The following GCN1 variants were observed in gnomAD, a reference collection of about 807,000 sequenced individuals.
GCN1 encodes GCN1 activator of EIF2AK4, also known as stalled ribosome sensor GCN1.
In GCN1, 90 loss-of-function variants were observed where a neutral mutation model predicts 288.4. The observed-to-expected ratio is 0.31, with a 90% CI of 0.26 to 0.37. The LOEUF (loss-of-function observed/expected upper bound fraction) is 0.37. Ranked by LOEUF, GCN1 falls within the 10% of genes least tolerant of loss-of-function variation. The pLI is 1.00. For synonymous variants in GCN1, 1,386 were observed against 1,420.2 expected, an observed-to-expected ratio of 0.98 and a Z score of 0.54; for missense variants, 2,586 against 3,419.9, an observed-to-expected ratio of 0.76 and a Z score of 6.08.
At position 120,134,580 on chromosome 12, in the gene GCN1, G is replaced by A. The variant is rs771258104; in HGVS notation, c.7155C>T (p.Phe2385=). 3.1e-5 allele frequency: 50 copies of A among 1,614,060 alleles called. No homozygotes were observed. In the South Asian group the frequency reaches 5.1e-4, roughly 16 times the overall value. ...CGCGGATGCCATTGAGCAGCTCTGTGAAGAGGGGGTCCACCTTAATGTGGA... is the reference window on the plus strand; with the variant it reads ...CGCGGATGCCATTGAGCAGCTCTGTAAAGAGGGGGTCCACCTTAATGTGGA... ...ISIHIKVDPL[F]TELLNGIRAM... Residue 2385 remains phenylalanine, a synonymous_variant, in exon 52 of 58, where the codon TTC becomes TTT. Coordinates refer to ENST00000300648, the MANE Select transcript of GCN1 (RefSeq NM_006836.2). The surrounding 1 kb of genome is among the most constrained non-coding windows in gnomAD (Gnocchi z 5.0).
chr12:120,171,117 G>C (rs1199004637), intron 14 of GCN1, among the ~76,000 whole-genome samples: 4 of 147,882 alleles, frequency 2.7e-5, no homozygotes. Flanking sequence ...CTCCAGCCTG[G>C]GTGACAGAAC....
Position 120,153,417 on chromosome 12 carries a change from C to G in GCN1, c.3868-10G>C. 1 of 1,612,876 alleles carries G rather than the reference C, an allele frequency of 6.2e-7. No homozygotes were observed. Among genetic ancestry groups the G allele is most frequent in the Non-Finnish European group, 8.5e-7 (1 of 1,179,454 alleles). On this transcript the variant is annotated splice_polypyrimidine_tract_variant and intron_variant, in intron 32 of 57. Coordinates refer to ENST00000300648, the MANE Select transcript of GCN1 (RefSeq NM_006836.2). This position sits in a 1 kb window ranked among gnomAD's most constrained non-coding sequence, Gnocchi z 4.4. ...GCGAGTTGACGTTCTCCTGGAAAGC[C>G]AAACCCCTCAGAGCCTCAGGTCAAC...
At position 120,137,472 on chromosome 12, in the gene GCN1, AT is replaced by A; in HGVS notation, c.6663+72del. On this transcript the variant is annotated intron_variant, in intron 49 of 57. Coordinates refer to ENST00000300648, the MANE Select transcript of GCN1 (RefSeq NM_006836.2). This position sits in a 1 kb window ranked among gnomAD's most constrained non-coding sequence, Gnocchi z 5.2. ...AGTGACAGGTACGTGGGGGATTCTTATAAGTCTATTCCTGTAAATGTCTGGA... is the reference window on the plus strand; with the variant it reads ...AGTGACAGGTACGTGGGGGATTCTTAAAGTCTATTCCTGTAAATGTCTGGA... The A allele has an allele frequency of 6.5e-7, 1 of 1,534,842 alleles. No individual in the cohort carries two copies. The highest frequency in any genetic ancestry group is 1.7e-4 in the Middle Eastern group (1 of 5,858).
At position 120,148,350 on chromosome 12, in the gene GCN1, T is replaced by TG; in HGVS notation, c.4547-5dup. 1 of 1,611,220 alleles carries TG rather than the reference T, an allele frequency of 6.2e-7. No homozygotes were observed. The highest frequency in any genetic ancestry group is 8.5e-7 in the Non-Finnish European group (1 of 1,178,224). On this transcript the variant is annotated splice_polypyrimidine_tract_variant and splice_region_variant and intron_variant, in intron 36 of 57. Transcript: ENST00000300648. ...GCCCCAAGAAGCTCCACTGACCCTG[T>TG]GGATAGCAGACACAAGCCCAGTACT... is the stretch of plus-strand genomic sequence containing the variant.
At chr12:120,159,655 G>A (rs1050378768) in intron 24 of GCN1, among the ~76,000 whole-genome samples, 170 bp downstream of exon 24, 1 of 152,208 alleles carries the variant, frequency 6.6e-6, no homozygotes, top group Non-Finnish European at 1.5e-5. Flanking sequence ...GAGGCACTAC[G>A]TCTCTCCTAA....
intron 21 of GCN1, 97 bp from the exon 22 acceptor site, chr12:120,161,680 T>C: frequency 1.0e-6 from 1 of 993,444 alleles, no homozygotes; most frequent in Non-Finnish European, 1.6e-6. Context: ...TGTTAAGCAC[T>C]GTGCACCAGC....
At chr12:120,190,542 T>C (rs1158395189) in intron 1 of GCN1, 142 bp from the exon 2 acceptor site, 1 of 618,568 alleles carries the variant, frequency 1.6e-6, no homozygotes, top group African/African-American at 1.8e-5. Flanking sequence ...TTGCACCGGG[T>C]AATTCTGGTT....
In GCN1 at chr12:120,174,150, A is replaced by G. The variant is rs1213328046; in HGVS notation, c.1113T>C (p.His371=). ...SVLSGIGSVS[H]HVVSGPSSQV... ...GACTGGAAGGTCCAGACACCACGTG[A>G]TGACTGACGCTCCCAATCCCTAAAA... is the stretch of plus-strand genomic sequence containing the variant. The change falls in exon 13 of 58, where the codon CAT becomes CAC. Residue 371 remains histidine (H), a synonymous_variant. Transcript: ENST00000300648. 1.6e-5 allele frequency: 26 copies of G among 1,598,054 alleles called. No individual in the cohort carries two copies. Among genetic ancestry groups the G allele is most frequent in the Non-Finnish European group, 2.2e-5 (26 of 1,165,462 alleles).
chr12:120,168,330 G>C (rs773073442), intron 15 of GCN1, 30 bp from the exon 16 acceptor site: 1 of 1,278,936 alleles, frequency 7.8e-7, no homozygotes, highest in Admixed American at 1.7e-5. Flanking sequence ...ACCCCACGAC[G>C]CAGCTCACCA....
Position 120,134,858 on chromosome 12 carries a change from G to C in GCN1, c.7009-132C>G. 1 of 740,954 alleles carries C rather than the reference G, an allele frequency of 1.3e-6. No individual in the cohort carries two copies. The highest frequency in any genetic ancestry group is 2.3e-6 in the Non-Finnish European group (1 of 443,026). The allele number at this position is 740,954 out of a possible 1,614,324, so 45.9% of individuals were successfully genotyped here. A position where few individuals can be genotyped will look rare whatever the true frequency, so the allele number is the denominator to read the frequency against. On this transcript the variant is annotated intron_variant, in intron 51 of 57. Transcript: ENST00000300648. This position sits in a 1 kb window ranked among gnomAD's most constrained non-coding sequence, Gnocchi z 5.0. ...CAGCTCTCATACAGGGCTGGGGACA[G>C]ATAGCCCGTCAGAGAGGCCAAACAC...
chr12:120,135,427 G>A (rs1294663803), intron 51 of GCN1, among the ~76,000 whole-genome samples: 3 of 151,742 alleles, frequency 2.0e-5, no homozygotes, highest in East Asian at 1.9e-4. Context: ...TGCAAGGCGC[G>A]ATCTCAGCTC....
At chr12:120,148,769 C>G (rs1343799139) in intron 36 of GCN1, among the ~76,000 whole-genome samples, 1 of 152,162 alleles carries the variant, frequency 6.6e-6, no homozygotes, top group Non-Finnish European at 1.5e-5. Flanking sequence ...TGATCCTCCC[C>G]CAACTAGAGC....
chr12:120,161,858 G>A, intron 21 of GCN1, 22 bp downstream of exon 21: 2 of 1,610,336 alleles, frequency 1.2e-6, no homozygotes, highest in Non-Finnish European at 1.7e-6. Context: ...AAAGGAAACT[G>A]AGCCCATAAG....
intron 24 of GCN1, 48 bp downstream of exon 24, chr12:120,159,777 T>G (rs745630081): frequency 6.5e-7 from 1 of 1,532,826 alleles, no homozygotes; most frequent in African/African-American, 1.4e-5. Flanking sequence ...GTCCAAGCAC[T>G]CAGGGGCACC....
intron 24 of GCN1, among the ~76,000 whole-genome samples, chr12:120,159,046 A>T (rs555415195): frequency 6.6e-6 from 1 of 152,194 alleles, no homozygotes; most frequent in African/African-American, 2.4e-5. Context: ...GCTTCGCCAA[A>T]ATGTCCCCAG....
At position 120,158,576 on chromosome 12, in the gene GCN1, G is replaced by A. The variant is rs766823399; in HGVS notation, c.2789C>T (p.Pro930Leu). 1 of 1,608,236 alleles carries A rather than the reference G, an allele frequency of 6.2e-7. No individual in the cohort carries two copies. The highest frequency in any genetic ancestry group is 8.5e-7 in the Non-Finnish European group (1 of 1,177,350). The change falls in exon 25 of 58, where the codon CCA becomes CTA. Residue 930 changes from proline (P) to leucine (L), a missense_variant. This residue lies in a region of GCN1 where 153 missense variants were observed against 252.0 expected (regional missense o/e 0.61). Coordinates refer to ENST00000300648, the MANE Select transcript of GCN1 (RefSeq NM_006836.2). This position sits in a 1 kb window ranked among gnomAD's most constrained non-coding sequence, Gnocchi z 4.3. ...CCAGGACTTATCCAGGACACACTCT[G>A]GCTTCAGCAGGCGCAGGGTCACGTG... ...VSHVTLRLLKPECVLDKSWCQ... is the reference protein window; with the variant it reads ...VSHVTLRLLKLECVLDKSWCQ...
rs1285544582 is a variant in GCN1 at position 120,153,009 on chromosome 12, A to ATTT, written c.4062+203_4062+204insAAA. ...GAAACTATCTGGGAGGTCTACTAGAACAAAGTAACAAAGAAACTCCCTCTC... is the reference window on the plus strand; with the variant it reads ...GAAACTATCTGGGAGGTCTACTAGAATTTCAAAGTAACAAAGAAACTCCCTCTC... On this transcript the variant is annotated intron_variant, in intron 33 of 57. Transcript: ENST00000300648. The surrounding 1 kb of genome is among the most constrained non-coding windows in gnomAD (Gnocchi z 4.4). Among the ~76,000 whole-genome samples the ATTT allele has an allele frequency of 6.6e-6, 1 of 152,166 alleles. No individual in the cohort carries two copies. The highest frequency in any genetic ancestry group is 1.5e-5 in the Non-Finnish European group (1 of 68,036).
At position 120,178,739 on chromosome 12, in the gene GCN1, C is replaced by T. The variant is rs1177684952; in HGVS notation, c.546G>A (p.Gln182=). ...LWKENPGLVE[Q]YLSAILSLEP... ...CTAGGCTGAGAATGGCTGACAAGTA[C>T]TGTTCCACCAGCCCGGGGTTCTGAA... Residue 182 remains glutamine (Q), a synonymous_variant, in exon 7 of 58, where the codon CAG becomes CAA. Coordinates refer to ENST00000300648, the MANE Select transcript of GCN1 (RefSeq NM_006836.2). The T allele has an allele frequency of 6.2e-7, 1 of 1,614,112 alleles. No individual in the cohort carries two copies. The highest frequency in any genetic ancestry group is 8.5e-7 in the Non-Finnish European group (1 of 1,180,026).
intron 33 of GCN1, among the ~76,000 whole-genome samples, chr12:120,152,427 A>AAT (rs1254573903): frequency 4.7e-5 from 6 of 126,844 alleles, no homozygotes; most frequent in East Asian, 2.2e-4. Flanking sequence ...TATATATATA[A>AAT]ATATATATAT....
Sources: allele counts gnomAD v4.1 joint callset (sites outside exome capture counted in the v4.1 genomes callset), GRCh38; gene constraint gnomAD v4.1.1; regional missense constraint gnomAD v4.1.1; non-coding constraint Gnocchi (gnomAD v3.1); transcripts MANE v1.5; gene names NCBI Gene and HGNC (gene_info 2026-07-23, HGNC 2026-07-21).